Variants in SLC30A8 observed in about 807,000 individuals in gnomAD.
SLC30A8 encodes the protein solute carrier family 30 member 8, also known as proton-coupled zinc antiporter SLC30A8.
A neutral mutation model predicts 36.9 loss-of-function variants in SLC30A8; 27 were observed. The ratio of observed to expected loss-of-function variants is 0.73; its 90% CI spans 0.54 to 1.01. The LOEUF is 1.01. Ranked by LOEUF, SLC30A8 falls within the 50% of genes least tolerant of loss-of-function variation. The pLI, the probability that SLC30A8 is intolerant of heterozygous loss-of-function variation, is 0.00. For synonymous variants in SLC30A8, 164 were observed against 172.4 expected (o/e 0.95, Z 0.38); for missense variants, 439 against 452.0 (o/e 0.97, Z 0.26).
At chr8:116,958,746 G>A (rs1490311174) in intron 1 of SLC30A8, among the ~76,000 whole-genome samples, 1 of 147,584 alleles carries the variant, frequency 6.8e-6, no homozygotes, top group Non-Finnish European at 1.5e-5. Context: ...ATCACTTTAA[G>A]TATTTTTTTC....
chr8:117,041,026 T>A (rs62510472), intron 2 of SLC30A8, among the ~76,000 whole-genome samples: 1 of 152,046 alleles, frequency 6.6e-6, no homozygotes, highest in Non-Finnish European at 1.5e-5. Flanking sequence ...AGGACCAGAT[T>A]TGAGAGGTTT....
chr8:117,121,672 C>T (rs767583807), intron 2 of SLC30A8, among the ~76,000 whole-genome samples: 8 of 151,924 alleles, frequency 5.3e-5, no homozygotes, highest in Admixed American at 6.6e-5. Flanking sequence ...AACATTCAGA[C>T]TGTAGCACCT....
At chr8:117,073,692 T>C (rs1818401952) in intron 2 of SLC30A8, among the ~76,000 whole-genome samples, 1 of 152,202 alleles carries the variant, frequency 6.6e-6, no homozygotes, top group Admixed American at 6.5e-5. Flanking sequence ...CAAAACTCTT[T>C]CCCTTTGGAA....
Position 117,172,883 on chromosome 8 carries a change from C to A in SLC30A8, c.*202C>A. 1.6e-6 allele frequency: 1 copy of A among 612,110 alleles called. No individual in the cohort carries two copies. The highest frequency in any genetic ancestry group is 2.8e-6 in the Non-Finnish European group (1 of 353,576). 37.9% of individuals were successfully genotyped at this position (612,110 alleles called of 1,614,324 possible). The stretch of plus-strand genomic sequence containing the variant: ...TCAATCAATTGGATTATATACTGAT[C>A]AGTAGCTGTGTTCAATTGCAGGAAT... On this transcript the variant is annotated 3_prime_UTR_variant, in exon 8 of 8. Coordinates refer to ENST00000456015, the MANE Select transcript of SLC30A8 (RefSeq NM_173851.3).
intron 2 of SLC30A8, among the ~76,000 whole-genome samples, chr8:117,085,803 A>C (rs1275813813): frequency 6.6e-6 from 1 of 152,194 alleles, no homozygotes; most frequent in Non-Finnish European, 1.5e-5. Flanking sequence ...GGTAGACCCA[A>C]GAGTTGAACT....
intron 1 of SLC30A8, among the ~76,000 whole-genome samples, chr8:116,970,545 C>T (rs962940604): frequency 9.2e-5 from 14 of 152,152 alleles, no homozygotes; most frequent in African/African-American, 3.4e-4. Flanking sequence ...CCTACACCAG[C>T]ATCACCAGAA....
At chr8:117,153,187 T>C in intron 3 of SLC30A8, 97 bp downstream of exon 3, 1 of 1,276,980 alleles carries the variant, frequency 7.8e-7, no homozygotes, top group South Asian at 1.9e-5. Flanking sequence ...TGTTGGAAAG[T>C]CCTTAGAGAC....
chr8:117,146,939 C>A lies in SLC30A8; in HGVS notation c.72-15C>A. 6.2e-7 allele frequency: 1 copy of A among 1,613,568 alleles called. No individual in the cohort carries two copies. The highest frequency in any genetic ancestry group is 1.1e-5 in the South Asian group (1 of 91,020). ...AACTATGTTCACTTCTTGCTTCTGT[C>A]AAACTCATCCATAGTGTGGAACTCC... On this transcript the variant is annotated splice_polypyrimidine_tract_variant and intron_variant, in intron 1 of 7. Transcript: ENST00000456015.
intron 1 of SLC30A8, among the ~76,000 whole-genome samples, chr8:117,038,697 C>A (rs550236163): frequency 2.0e-5 from 3 of 152,286 alleles, no homozygotes; most frequent in African/African-American, 7.2e-5. Flanking sequence ...AGAGTAAAAT[C>A]GTACTCTAGA....
chr8:117,108,594 C>T (rs1278913017), intron 2 of SLC30A8, among the ~76,000 whole-genome samples: 1 of 152,194 alleles, frequency 6.6e-6, no homozygotes. Context: ...CATCATTACA[C>T]CTTGTTCACA....
chr8:117,133,347 TTAAC>T (rs1296502967), upstream of SLC30A8, among the ~76,000 whole-genome samples: 1 of 152,000 alleles, frequency 6.6e-6, no homozygotes, highest in African/African-American at 2.4e-5. Context: ...GCAATCCACA[TTAAC>T]TACCTGGCAT....
At chr8:117,049,578 G>A (rs1177654206) in intron 2 of SLC30A8, among the ~76,000 whole-genome samples, 14 of 152,168 alleles carry the variant, frequency 9.2e-5, no homozygotes, top group Non-Finnish European at 1.3e-4. Flanking sequence ...TCAGTCATTT[G>A]GAAGCTTTGA....
intron 1 of SLC30A8, among the ~76,000 whole-genome samples, chr8:117,001,683 T>C (rs1563742390): frequency 6.6e-6 from 1 of 152,208 alleles, no homozygotes; most frequent in Non-Finnish European, 1.5e-5. Context: ...AGTTGAGCTT[T>C]AGTTACATTG....
chr8:116,971,907 T>G (rs1052757350), intron 1 of SLC30A8, among the ~76,000 whole-genome samples: 3 of 152,190 alleles, frequency 2.0e-5, no homozygotes, highest in Non-Finnish European at 4.4e-5. Context: ...TAGTGTTAAT[T>G]TCCTTTGAAT....
At chr8:117,018,464 T>C (rs1374590897) in intron 1 of SLC30A8, among the ~76,000 whole-genome samples, 2 of 152,170 alleles carry the variant, frequency 1.3e-5, no homozygotes, top group Non-Finnish European at 2.9e-5. Context: ...CAATTGGACT[T>C]ACCACATTTC....
intron 2 of SLC30A8, among the ~76,000 whole-genome samples, chr8:117,079,846 T>C (rs1818608290): frequency 6.6e-6 from 1 of 152,220 alleles, no homozygotes; most frequent in African/African-American, 2.4e-5. Flanking sequence ...TTCCCCGTTG[T>C]TAAACTGAGT....
chr8:117,073,464 T>G (rs1023026686), intron 2 of SLC30A8, among the ~76,000 whole-genome samples: 1 of 152,136 alleles, frequency 6.6e-6, no homozygotes, highest in South Asian at 2.1e-4. Context: ...TTCACCATGT[T>G]GGCCAGGCTA....
intron 5 of SLC30A8, 108 bp from the exon 6 acceptor site, chr8:117,163,317 G>T (rs950854205): frequency 1.2e-5 from 10 of 814,172 alleles, no homozygotes; most frequent in Non-Finnish European, 2.0e-5. Flanking sequence ...AAGGGTAAAT[G>T]AGTGACAGAG....
At chr8:116,962,705 A>G (rs11998667) in intron 1 of SLC30A8, among the ~76,000 whole-genome samples, 6,967 of 152,102 alleles carry the variant, frequency 0.046, 532 homozygotes, top group African/African-American at 0.16. Context: ...TTGTATAACC[A>G]GAGTCATGTC....
Sources: gnomAD v4.1 joint callset for allele counts (sites outside exome capture counted in the v4.1 genomes callset) on GRCh38, gnomAD v4.1.1 for gene constraint, MANE v1.5 for transcripts, NCBI Gene and HGNC (gene_info 2026-07-23, HGNC 2026-07-21) for gene names.